FRYL: variants seen among roughly 807,000 people sequenced by gnomAD.
FRYL encodes the protein FRY like transcription coactivator, also known as protein furry homolog-like.
FRYL carries 150 observed loss-of-function variants against 351.2 expected under a neutral mutation model. The ratio of observed to expected loss-of-function variants is 0.43; its 90% CI spans 0.37 to 0.49. The LOEUF (loss-of-function observed/expected upper bound fraction) is 0.49, where lower values mean the gene tolerates loss of function less well. Ranked by LOEUF, FRYL falls within the 20% of genes least tolerant of loss-of-function variation. FRYL has a pLI of 0.00. For synonymous variants in FRYL, 1,153 were observed against 1,257.1 expected (o/e 0.92, Z 1.75); for missense variants, 3,036 against 3,619.3 (o/e 0.84, Z 4.13).
intron 1 of FRYL, among the ~76,000 whole-genome samples, chr4:48,746,085 C>G (rs2149657068): frequency 6.6e-6 from 1 of 152,278 alleles, no homozygotes; most frequent in South Asian, 2.1e-4. Context: ...TTAAAAATCA[C>G]TGAGGAATGT....
Position 48,505,629 on chromosome 4 carries a change from A to T in FRYL, c.8395-14T>A. 6.4e-7 allele frequency: 1 copy of T among 1,571,998 alleles called. No homozygotes were observed. The highest frequency in any genetic ancestry group is 8.7e-7 in the Non-Finnish European group (1 of 1,144,764). On this transcript the variant is annotated splice_polypyrimidine_tract_variant and intron_variant, in intron 59 of 63. Transcript: ENST00000358350. The stretch of plus-strand genomic sequence containing the variant: ...ATCATCTAGCCACTAAAAATAAGTA[A>T]CAGTAACGTTTAATATGCACAGTAA...
At chr4:48,531,605 T>A (rs1727645821) in intron 49 of FRYL, among the ~76,000 whole-genome samples, 1 of 152,220 alleles carries the variant, frequency 6.6e-6, no homozygotes, top group Admixed American at 6.5e-5. Context: ...TTTCTCCCAA[T>A]AAGTGCTTTG....
chr4:48,564,179 G>A (rs989314136), intron 30 of FRYL, 77 bp from the exon 31 acceptor site: 5 of 1,460,090 alleles, frequency 3.4e-6, no homozygotes, highest in Non-Finnish European at 4.7e-6. Context: ...TCTTACTAAA[G>A]TAATATAGTG....
intron 13 of FRYL, 47 bp from the exon 14 acceptor site, chr4:48,596,047 A>G: frequency 1.7e-6 from 2 of 1,205,310 alleles, no homozygotes; most frequent in African/African-American, 1.5e-5. Context: ...ACTTGCAATC[A>G]CTTAACAGCA....
chr4:48,677,028 A>G (rs372047580), intron 3 of FRYL, among the ~76,000 whole-genome samples: 1 of 152,252 alleles, frequency 6.6e-6, no homozygotes, highest in East Asian at 1.9e-4. Flanking sequence ...GAATTTCATC[A>G]GTATTTAGTA....
intron 44 of FRYL, among the ~76,000 whole-genome samples, chr4:48,542,676 A>G (rs1017316032): frequency 5.9e-5 from 9 of 152,212 alleles, no homozygotes; most frequent in African/African-American, 2.2e-4. Flanking sequence ...TCAGCCTCCC[A>G]AAGTGCTGGG....
At chr4:48,735,971 T>TAAAAAAAA (rs71191254) in intron 1 of FRYL, among the ~76,000 whole-genome samples, 2 of 100,726 alleles carry the variant, frequency 2.0e-5, no homozygotes, top group African/African-American at 3.6e-5. Flanking sequence ...TAGAGTATAA[T>TAAAAAAAA]AAAAAAAAAA....
At position 48,549,879 on chromosome 4, in the gene FRYL, T is replaced by C. The variant is rs865854142; in HGVS notation, c.4634-256A>G. Among the ~76,000 whole-genome samples, 2 of 152,200 alleles carry C rather than the reference T, an allele frequency of 1.3e-5. No homozygotes were observed. Among genetic ancestry groups the C allele is most frequent in the Non-Finnish European group, 2.9e-5 (2 of 68,022 alleles). On this transcript the variant is annotated intron_variant, in intron 38 of 63. Transcript: ENST00000358350. This position sits in a 1 kb window ranked among gnomAD's most constrained non-coding sequence, Gnocchi z 4.2. ...GCAAAACTATATTAGCACTTCATCA[T>C]GATTCCATCAATGATGTCCAAGCCA...
At chr4:48,665,732 T>G (rs1422475681) in intron 3 of FRYL, among the ~76,000 whole-genome samples, 1 of 152,122 alleles carries the variant, frequency 6.6e-6, no homozygotes, top group East Asian at 1.9e-4. Flanking sequence ...GAGCATGAAG[T>G]AGGTACTATT....
chr4:48,730,556 C>A (rs1171388396), intron 1 of FRYL, among the ~76,000 whole-genome samples: 3 of 152,170 alleles, frequency 2.0e-5, no homozygotes, highest in Admixed American at 2.0e-4. Context: ...CCCTACAAGC[C>A]AGAAGACAGT....
At chr4:48,750,324 G>A (rs1773116097) in intron 1 of FRYL, among the ~76,000 whole-genome samples, 1 of 151,736 alleles carries the variant, frequency 6.6e-6, no homozygotes, top group South Asian at 2.1e-4. Context: ...TGCCAGGCGT[G>A]GTGGCATGTA....
At chr4:48,774,464 G>C (rs1775813283) in intron 1 of FRYL, among the ~76,000 whole-genome samples, 1 of 151,942 alleles carries the variant, frequency 6.6e-6, no homozygotes, top group African/African-American at 2.4e-5. Flanking sequence ...CAAATATAAA[G>C]ACTGAATGGG....
At chr4:48,650,220 C>T (rs780369278) in intron 3 of FRYL, among the ~76,000 whole-genome samples, 1 of 152,000 alleles carries the variant, frequency 6.6e-6, no homozygotes, top group Non-Finnish European at 1.5e-5. Context: ...TATTAATAAC[C>T]AAATTATAAA....
chr4:48,679,583 A>T (rs2149534984), intron 3 of FRYL, among the ~76,000 whole-genome samples: 1 of 152,192 alleles, frequency 6.6e-6, no homozygotes, highest in Non-Finnish European at 1.5e-5. Flanking sequence ...AAAGATACAA[A>T]ATTGCAGCTA....
intron 55 of FRYL, among the ~76,000 whole-genome samples, chr4:48,519,700 A>C (rs1270718577): frequency 6.7e-6 from 1 of 149,998 alleles, no homozygotes; most frequent in East Asian, 2.0e-4. Flanking sequence ...ACGGGGTTTC[A>C]CCATGTTCGC....
chr4:48,779,336 G>T (rs1354909569), intron 1 of FRYL, among the ~76,000 whole-genome samples: 5 of 152,222 alleles, frequency 3.3e-5, no homozygotes, highest in Non-Finnish European at 4.4e-5. Context: ...GCGGGCGGTG[G>T]CCGCGGTGTC....
intron 55 of FRYL, among the ~76,000 whole-genome samples, chr4:48,517,109 C>T (rs896283820): frequency 6.6e-6 from 1 of 152,126 alleles, no homozygotes; most frequent in Non-Finnish European, 1.5e-5. Context: ...CTTAATTCTT[C>T]CACCAGTTTA....
intron 29 of FRYL, among the ~76,000 whole-genome samples, 154 bp from the exon 30 acceptor site, chr4:48,565,197 A>G (rs1440090073): frequency 4.6e-5 from 7 of 152,208 alleles, no homozygotes; most frequent in Admixed American, 6.5e-5. Flanking sequence ...TATTATGAGT[A>G]AGTAAATATG....
chr4:48,585,608 T>C (rs193133334), intron 19 of FRYL, among the ~76,000 whole-genome samples: 42 of 152,362 alleles, frequency 2.8e-4, no homozygotes, highest in East Asian at 9.6e-4. Flanking sequence ...TCCAGCCAGA[T>C]GCTTATTGGA....
Sources: gnomAD v4.1 joint callset for allele counts (sites outside exome capture counted in the v4.1 genomes callset) on GRCh38, gnomAD v4.1.1 for gene constraint, Gnocchi (gnomAD v3.1) non-coding constraint, MANE v1.5 for transcripts, NCBI Gene and HGNC (gene_info 2026-07-23, HGNC 2026-07-21) for gene names.